SLCO5A1: variants seen among roughly 807,000 people sequenced by gnomAD.
SLCO5A1 encodes organic anion transporter polypeptide-related protein 4.
In SLCO5A1, 39 loss-of-function variants were observed where a neutral mutation model predicts 65.1. The ratio of observed to expected loss-of-function variants is 0.60; its 90% CI spans 0.46 to 0.78. The LOEUF (loss-of-function observed/expected upper bound fraction) is 0.78. Among genes scored for constraint, SLCO5A1 ranks in the 30% least tolerant of loss-of-function variants. The pLI is 0.00. For missense variants in SLCO5A1, 1,029 were observed against 1,069.4 expected (o/e 0.96, Z 0.53); for synonymous variants, 438 against 415.7 (o/e 1.05, Z -0.65).
chr8:69,786,402 T>C (rs530054701), intron 2 of SLCO5A1, among the ~76,000 whole-genome samples: 25 of 152,300 alleles, frequency 1.6e-4, no homozygotes, highest in Admixed American at 1.0e-3. Flanking sequence ...TAGGCAAATA[T>C]GCTGAGGGAC....
intron 2 of SLCO5A1, among the ~76,000 whole-genome samples, chr8:69,789,627 A>G (rs1389082693): frequency 6.6e-6 from 1 of 152,206 alleles, no homozygotes; most frequent in Non-Finnish European, 1.5e-5. Context: ...CATGAGAACT[A>G]AAGTTAATAA....
intron 2 of SLCO5A1, among the ~76,000 whole-genome samples, chr8:69,806,381 G>T (rs1042098378): frequency 6.6e-6 from 1 of 152,174 alleles, no homozygotes; most frequent in Non-Finnish European, 1.5e-5. Flanking sequence ...TCACATAAGA[G>T]TCTAAGTTCC....
chr8:69,712,369 G>A (rs147963701), intron 5 of SLCO5A1, among the ~76,000 whole-genome samples: 1 of 152,116 alleles, frequency 6.6e-6, no homozygotes, highest in Non-Finnish European at 1.5e-5. Context: ...GGGTCTTTAT[G>A]AAAAATTAAT....
At chr8:69,818,191 T>C (rs1319716421) in intron 2 of SLCO5A1, among the ~76,000 whole-genome samples, 1 of 152,224 alleles carries the variant, frequency 6.6e-6, no homozygotes, top group Non-Finnish European at 1.5e-5. Context: ...CTTTCACAAA[T>C]GCAGTAAGAT....
intron 2 of SLCO5A1, among the ~76,000 whole-genome samples, chr8:69,804,034 C>G (rs1204060554): frequency 6.6e-6 from 1 of 152,008 alleles, no homozygotes; most frequent in Non-Finnish European, 1.5e-5. Flanking sequence ...AAACAGCAGC[C>G]AAGAAAAAAT....
chr8:69,677,119 T>G (rs1454877330), intron 8 of SLCO5A1, among the ~76,000 whole-genome samples: 1 of 152,204 alleles, frequency 6.6e-6, no homozygotes, highest in Non-Finnish European at 1.5e-5. Flanking sequence ...ACTCCAATAA[T>G]TCTTCCAAAA....
chr8:69,799,923 T>G (rs1191916586), intron 2 of SLCO5A1, among the ~76,000 whole-genome samples: 1 of 152,222 alleles, frequency 6.6e-6, no homozygotes, highest in East Asian at 1.9e-4. Flanking sequence ...TTTTCTTTTT[T>G]GTATTTTTCT....
intron 2 of SLCO5A1, among the ~76,000 whole-genome samples, chr8:69,818,200 A>G (rs1820482962): frequency 6.6e-6 from 1 of 152,240 alleles, no homozygotes; most frequent in Non-Finnish European, 1.5e-5. Flanking sequence ...ATGCAGTAAG[A>G]TATTTTTCCT....
chr8:69,793,109 G>A (rs1309539300), intron 2 of SLCO5A1, among the ~76,000 whole-genome samples: 3 of 151,990 alleles, frequency 2.0e-5, no homozygotes, highest in Non-Finnish European at 4.4e-5. Flanking sequence ...AGCCTCCCAA[G>A]TATCTGGGAC....
At chr8:69,783,281 A>T (rs1375125493) in intron 2 of SLCO5A1, among the ~76,000 whole-genome samples, 1 of 152,144 alleles carries the variant, frequency 6.6e-6, no homozygotes, top group African/African-American at 2.4e-5. Flanking sequence ...TATAGTCAAT[A>T]ATAACTTAAT....
At chr8:69,830,714 C>T (rs987360271) in intron 2 of SLCO5A1, among the ~76,000 whole-genome samples, 5 of 152,160 alleles carry the variant, frequency 3.3e-5, no homozygotes, top group African/African-American at 7.2e-5. Context: ...CCCTCTGCAA[C>T]TGCTGCCTGG....
At chr8:69,689,255 T>C (rs1378327501) in intron 6 of SLCO5A1, among the ~76,000 whole-genome samples, 5 of 115,476 alleles carry the variant, frequency 4.3e-5, no homozygotes, top group Admixed American at 8.0e-5. Flanking sequence ...GTCAGATGAG[T>C]AGCTTGCGAA....
chr8:69,703,308 A>C (rs1814832709), intron 6 of SLCO5A1, among the ~76,000 whole-genome samples: 1 of 152,156 alleles, frequency 6.6e-6, no homozygotes, highest in Non-Finnish European at 1.5e-5. Context: ...CTCACTTCTG[A>C]GAATTTATCC....
At chr8:69,722,217 G>A (rs556067933) in intron 5 of SLCO5A1, among the ~76,000 whole-genome samples, 6 of 152,230 alleles carry the variant, frequency 3.9e-5, no homozygotes, top group Admixed American at 6.5e-5. Flanking sequence ...ATGCGTTTAT[G>A]TTAGAGTGAG....
At chr8:69,676,562 T>C (rs1414580860) in intron 9 of SLCO5A1, 47 bp downstream of exon 9, 3 of 1,545,100 alleles carry the variant, frequency 1.9e-6, no homozygotes, top group Non-Finnish European at 2.7e-6. Flanking sequence ...AAATTTGCCA[T>C]CTGCAAAGAG....
At chr8:69,828,262 ATTT>A (rs138592070) in intron 2 of SLCO5A1, among the ~76,000 whole-genome samples, 50,340 of 139,602 alleles carry the variant, frequency 0.36, 8,530 homozygotes, top group South Asian at 0.43. Flanking sequence ...CGCATTCATC[ATTT>A]TTTTTTTTTT....
chr8:69,804,357 A>G (rs925762182), intron 2 of SLCO5A1, among the ~76,000 whole-genome samples: 1 of 152,182 alleles, frequency 6.6e-6, no homozygotes, highest in Non-Finnish European at 1.5e-5. Flanking sequence ...TCTGTCACCC[A>G]GGCTGTAGTA....
chr8:69,805,099 A>G (rs2380601), intron 2 of SLCO5A1, among the ~76,000 whole-genome samples: 55,677 of 150,552 alleles, frequency 0.37, 10,676 homozygotes, highest in African/African-American at 0.47. Context: ...GTGCACATCC[A>G]AGATAACTAA....
chr8:69,800,315 A>G (rs983350859), intron 2 of SLCO5A1, among the ~76,000 whole-genome samples: 1 of 141,078 alleles, frequency 7.1e-6, no homozygotes, highest in Non-Finnish European at 1.5e-5. Flanking sequence ...ATGCAGTAGC[A>G]CAATCACAAA....
Sources: gnomAD v4.1 joint callset for allele counts (sites outside exome capture counted in the v4.1 genomes callset) on GRCh38, gnomAD v4.1.1 for gene constraint, MANE v1.5 for transcripts, NCBI Gene and HGNC (gene_info 2026-07-23, HGNC 2026-07-21) for gene names.